Variants in PPP6R3 observed in about 807,000 individuals in gnomAD.
The protein encoded by PPP6R3 is serine/threonine-protein phosphatase 6 regulatory subunit 3.
In PPP6R3, 38 loss-of-function variants were observed where a neutral mutation model predicts 110.7. That is an observed-to-expected ratio of 0.34 (90% CI 0.26 to 0.45). PPP6R3 has a LOEUF of 0.45. PPP6R3 is among the 20% of genes least tolerant of loss of function. The pLI is 1.00. For synonymous variants in PPP6R3, 369 were observed against 373.5 expected (o/e 0.99, Z 0.14); for missense variants, 870 against 1,062.4 (o/e 0.82, Z 2.52).
chr11:68,553,442 C>T (rs1326964107), intron 6 of PPP6R3, among the ~76,000 whole-genome samples: 1 of 151,720 alleles, frequency 6.6e-6, no homozygotes, highest in Non-Finnish European at 1.5e-5. Context: ...TACAGGCATG[C>T]GCCACCACGC....
chr11:68,502,390 C>T (rs2099053323), intron 1 of PPP6R3, among the ~76,000 whole-genome samples: 1 of 152,078 alleles, frequency 6.6e-6, no homozygotes. Context: ...CCGTATGTGG[C>T]CACCATAGTA....
chr11:68,555,797 T>C (rs1329995389), intron 7 of PPP6R3, among the ~76,000 whole-genome samples: 1 of 152,256 alleles, frequency 6.6e-6, no homozygotes, highest in African/African-American at 2.4e-5. Context: ...TTCAAATACA[T>C]GGACCTGATG....
intron 5 of PPP6R3, among the ~76,000 whole-genome samples, chr11:68,548,440 G>T (rs2099357845): frequency 1.3e-5 from 2 of 152,270 alleles, no homozygotes; most frequent in South Asian, 4.1e-4. Flanking sequence ...GTTTTGTTGT[G>T]AGTATTTTTT....
intron 1 of PPP6R3, among the ~76,000 whole-genome samples, chr11:68,516,851 T>C (rs980975041): frequency 1.3e-5 from 2 of 152,168 alleles, no homozygotes; most frequent in Non-Finnish European, 2.9e-5. Flanking sequence ...CACATCCTTA[T>C]TGACACTTAT....
chr11:68,574,439 G>A (rs995217215), intron 13 of PPP6R3, among the ~76,000 whole-genome samples: 8 of 152,280 alleles, frequency 5.3e-5, no homozygotes, highest in Admixed American at 2.0e-4. Context: ...CATTCCATAA[G>A]CATTGGCAGG....
rs146869392 is a variant in PPP6R3, at chr11:68,501,377, G to T, written c.-157-18124G>T. Among the ~76,000 whole-genome samples the T allele has an allele frequency of 1.4e-3, 214 of 152,338 alleles. 1 individual carries two copies. Among genetic ancestry groups the T allele is most frequent in the African/African-American group, 4.8e-3 (200 of 41,572 alleles). On this transcript the variant is annotated intron_variant, in intron 1 of 23. Coordinates refer to ENST00000393800, the MANE Select transcript of PPP6R3 (RefSeq NM_001164161.2). ...GGGTCTCACTCTGTCATGTAAGCTGGAGGGCAGTGGCGGGATCTCGGCCAG... is the reference window on the plus strand; with the variant it reads ...GGGTCTCACTCTGTCATGTAAGCTGTAGGGCAGTGGCGGGATCTCGGCCAG...
intron 23 of PPP6R3, among the ~76,000 whole-genome samples, chr11:68,610,374 T>C (rs1170525308): frequency 6.6e-6 from 1 of 152,200 alleles, no homozygotes. Flanking sequence ...TGAGTTCTCA[T>C]TGGCCCCACT....
In PPP6R3 at chr11:68,610,050, C is replaced by A. The variant is rs889270961; in HGVS notation, c.2570+27C>A. The A allele has an allele frequency of 9.3e-6, 15 of 1,610,054 alleles. No homozygotes were observed. In the Admixed American group the frequency reaches 1.7e-4, roughly 18 times the overall value. On this transcript the variant is annotated intron_variant, in intron 23 of 23. Transcript: ENST00000393800. ...TAACCACCCGCCTCCTCAAACCCACCCAGGCCCTGCCCTGACCTTGCCTGT... is the reference window on the plus strand; with the variant it reads ...TAACCACCCGCCTCCTCAAACCCACACAGGCCCTGCCCTGACCTTGCCTGT...
At chr11:68,561,693 C>T (rs1214584588) in intron 8 of PPP6R3, among the ~76,000 whole-genome samples, 1 of 152,180 alleles carries the variant, frequency 6.6e-6, no homozygotes, top group Non-Finnish European at 1.5e-5. Context: ...TGTTAAATTC[C>T]TTTATGATAA....
intron 7 of PPP6R3, among the ~76,000 whole-genome samples, chr11:68,556,599 C>A (rs1376861731): frequency 6.6e-6 from 1 of 150,392 alleles, no homozygotes; most frequent in African/African-American, 2.5e-5. Flanking sequence ...GATAAAGAAC[C>A]TGGATGGCTT....
chr11:68,583,433 A>C (rs909219749), intron 15 of PPP6R3, among the ~76,000 whole-genome samples: 1 of 152,252 alleles, frequency 6.6e-6, no homozygotes, highest in African/African-American at 2.4e-5. Flanking sequence ...AGACCTTTAC[A>C]ATAGTTGAGT....
chr11:68,497,995 AGTTT>A (rs1565429183), intron 1 of PPP6R3, among the ~76,000 whole-genome samples: 1 of 152,140 alleles, frequency 6.6e-6, no homozygotes, highest in Non-Finnish European at 1.5e-5. Context: ...TGACCTGGAT[AGTTT>A]GTTCTGTGGT....
chr11:68,519,170 C>T (rs2099151592), intron 1 of PPP6R3, among the ~76,000 whole-genome samples: 1 of 152,036 alleles, frequency 6.6e-6, no homozygotes, highest in Non-Finnish European at 1.5e-5. Flanking sequence ...TTATAGTGGA[C>T]CCTATGTTGG....
At chr11:68,518,509 C>G (rs1000703669) in intron 1 of PPP6R3, among the ~76,000 whole-genome samples, 2 of 152,132 alleles carry the variant, frequency 1.3e-5, no homozygotes, top group African/African-American at 4.8e-5. Context: ...CCATACAGGA[C>G]CTTTCTGTTT....
chr11:68,547,575 T>C (rs2099354359), intron 4 of PPP6R3, among the ~76,000 whole-genome samples: 1 of 152,220 alleles, frequency 6.6e-6, no homozygotes, highest in African/African-American at 2.4e-5. Flanking sequence ...TCAAAGGCGA[T>C]GTTTGTGTAG....
At chr11:68,545,209 A>G (rs975684370) in intron 4 of PPP6R3, among the ~76,000 whole-genome samples, 185 bp downstream of exon 4, 2 of 152,252 alleles carry the variant, frequency 1.3e-5, no homozygotes, top group African/African-American at 4.8e-5. Flanking sequence ...TATTTCTAAT[A>G]TGGCATAATC....
At chr11:68,546,370 C>T (rs918453372) in intron 4 of PPP6R3, among the ~76,000 whole-genome samples, 1 of 152,200 alleles carries the variant, frequency 6.6e-6, no homozygotes, top group African/African-American at 2.4e-5. Flanking sequence ...TTTCTCCTCA[C>T]TTCTGTGCTG....
rs2099121126 is a variant in PPP6R3, at chr11:68,513,527, A to G, written c.-157-5974A>G. The stretch of plus-strand genomic sequence containing the variant: ...ACAGACTTTGAAACAGACAGCATGT[A>G]CTTAAAGAGTTTGAAGACCACAACC... On this transcript the variant is annotated intron_variant, in intron 1 of 23. Transcript: ENST00000393800. 2.0e-5 allele frequency among the ~76,000 whole-genome samples: 3 copies of G among 152,236 alleles called. No homozygotes were observed. In the South Asian group the frequency reaches 6.2e-4, roughly 32 times the overall value.
intron 2 of PPP6R3, among the ~76,000 whole-genome samples, chr11:68,530,530 A>T (rs1592632625): frequency 6.6e-6 from 1 of 152,290 alleles, no homozygotes; most frequent in East Asian, 1.9e-4. Context: ...GAAATATCTT[A>T]TGTGTGTTTA....
Sources: allele counts gnomAD v4.1 joint callset (sites outside exome capture counted in the v4.1 genomes callset), GRCh38; gene constraint gnomAD v4.1.1; transcripts MANE v1.5; gene names NCBI Gene and HGNC (gene_info 2026-07-23, HGNC 2026-07-21).